The following HTR7 variants were observed in gnomAD, a reference collection of about 807,000 sequenced individuals.
HTR7 encodes the protein 5-HT-7.
A neutral mutation model predicts 34.0 loss-of-function variants in HTR7; 16 were observed. That is an observed-to-expected ratio of 0.47 (90% CI 0.32 to 0.71). The LOEUF (loss-of-function observed/expected upper bound fraction) is 0.71, where lower values mean the gene tolerates loss of function less well. Among genes scored for constraint, HTR7 ranks in the 30% least tolerant of loss-of-function variants. The pLI is 0.04. For synonymous variants in HTR7, 265 were observed against 260.2 expected (o/e 1.02, Z -0.18); for missense variants, 504 against 625.5 (o/e 0.81, Z 2.07).
At chr10:90,855,926 A>G (rs1846572387) in intron 1 of HTR7, among the ~76,000 whole-genome samples, 1 of 152,222 alleles carries the variant, frequency 6.6e-6, no homozygotes, top group African/African-American at 2.4e-5. Context: ...TTTAGTAATT[A>G]TAAACCCTGG....
At chr10:90,752,676 A>G (rs1313389916) in intron 1 of HTR7, among the ~76,000 whole-genome samples, 1 of 152,192 alleles carries the variant, frequency 6.6e-6, no homozygotes, top group African/African-American at 2.4e-5. Flanking sequence ...AAAGATATCA[A>G]TAAAACAAGA....
chr10:90,807,121 G>A (rs576188575), intron 1 of HTR7, among the ~76,000 whole-genome samples: 4 of 152,240 alleles, frequency 2.6e-5, no homozygotes, highest in East Asian at 1.9e-4. Flanking sequence ...TTTTAAATAC[G>A]ACAGAGTGGA....
At chr10:90,842,241 A>G (rs1288070469) in intron 1 of HTR7, among the ~76,000 whole-genome samples, 1 of 152,160 alleles carries the variant, frequency 6.6e-6, no homozygotes, top group African/African-American at 2.4e-5. Flanking sequence ...TCTTTTTGCC[A>G]CATGACGATG....
chr10:90,846,509 C>T (rs1352875639), intron 1 of HTR7, among the ~76,000 whole-genome samples: 3 of 152,184 alleles, frequency 2.0e-5, no homozygotes, highest in Non-Finnish European at 4.4e-5. Context: ...CAGTCCTCCA[C>T]GATCCAGGCT....
intron 1 of HTR7, among the ~76,000 whole-genome samples, chr10:90,779,792 G>A (rs751536435): frequency 1.5e-4 from 23 of 152,156 alleles, no homozygotes; most frequent in Non-Finnish European, 2.6e-4. Context: ...AATTTGTCAC[G>A]TGTCCAGATG....
intron 1 of HTR7, among the ~76,000 whole-genome samples, chr10:90,755,506 C>A (rs796110057): frequency 1.3e-5 from 2 of 152,190 alleles, no homozygotes; most frequent in Non-Finnish European, 2.9e-5. Context: ...TATTCTATTT[C>A]AGACTTTTTA....
At chr10:90,794,749 T>C (rs1845513472) in intron 1 of HTR7, among the ~76,000 whole-genome samples, 1 of 152,132 alleles carries the variant, frequency 6.6e-6, no homozygotes, top group African/African-American at 2.4e-5. Flanking sequence ...GCAATCCTCC[T>C]ACCTCAGCCT....
At chr10:90,831,462 TGTGA>T (rs1346598411) in intron 1 of HTR7, among the ~76,000 whole-genome samples, 1 of 152,126 alleles carries the variant, frequency 6.6e-6, no homozygotes, top group Non-Finnish European at 1.5e-5. Context: ...AAATCTTCGC[TGTGA>T]GTGTTACAGC....
At chr10:90,855,031 T>C (rs1239225544) in intron 1 of HTR7, among the ~76,000 whole-genome samples, 1 of 152,250 alleles carries the variant, frequency 6.6e-6, no homozygotes, top group Non-Finnish European at 1.5e-5. Flanking sequence ...TAGTTCTCAG[T>C]GTTCTTGGAA....
chr10:90,782,914 G>C (rs554740756), intron 1 of HTR7, among the ~76,000 whole-genome samples: 4 of 152,112 alleles, frequency 2.6e-5, no homozygotes, highest in African/African-American at 9.6e-5. Context: ...TTTATGTTTG[G>C]TATTTGATAA....
intron 1 of HTR7, among the ~76,000 whole-genome samples, chr10:90,837,535 C>A (rs1422061772): frequency 6.6e-6 from 1 of 152,206 alleles, no homozygotes; most frequent in African/African-American, 2.4e-5. Context: ...TCTCAACATG[C>A]TATGATGCAG....
chr10:90,843,309 A>T (rs1196119816), intron 1 of HTR7, among the ~76,000 whole-genome samples: 1 of 152,210 alleles, frequency 6.6e-6, no homozygotes, highest in Non-Finnish European at 1.5e-5. Context: ...GGGTCATGCT[A>T]TGCAGAGTGT....
chr10:90,791,551 T>C (rs1845459868), intron 1 of HTR7, among the ~76,000 whole-genome samples: 2 of 152,094 alleles, frequency 1.3e-5, no homozygotes. Flanking sequence ...CATTTTAGTT[T>C]GTGTGCATTG....
intron 1 of HTR7, among the ~76,000 whole-genome samples, chr10:90,848,376 T>C (rs940969459): frequency 3.9e-5 from 6 of 152,192 alleles, no homozygotes; most frequent in African/African-American, 1.4e-4. Flanking sequence ...GGCCTCTTTG[T>C]TCTTATGATA....
At position 90,778,654 on chromosome 10, in the gene HTR7, C is replaced by T. The variant is rs144489599; in HGVS notation, c.540-29060G>A. Among the ~76,000 whole-genome samples the T allele has an allele frequency of 1.6e-4, 25 of 152,318 alleles. No homozygotes were observed. The East Asian group carries it at 3.5e-3, about 21-fold the overall frequency. ...AGTCCCACTGCTATGACTGCTCAAA[C>T]GTGGCTCCTTTAAATGAAGTGGGGT... On this transcript the variant is annotated intron_variant, in intron 1 of 3. Coordinates refer to ENST00000336152, the MANE Select transcript of HTR7 (RefSeq NM_019859.4).
In HTR7 at chr10:90,823,655, G is replaced by A. The variant is rs532657334; in HGVS notation, c.539+33478C>T. Among the ~76,000 whole-genome samples the A allele has an allele frequency of 3.3e-5, 5 of 152,318 alleles. No homozygotes were observed. In the East Asian group the frequency reaches 9.7e-4, roughly 29 times the overall value. ...AAATGTGAGAAGGACATGAGATTTG[G>A]AAGGGGCCAGGAGCAGAATGATAGA... On this transcript the variant is annotated intron_variant, in intron 1 of 3. Transcript: ENST00000336152.
intron 2 of HTR7, among the ~76,000 whole-genome samples, chr10:90,746,173 A>G (rs991198891): frequency 6.6e-6 from 1 of 152,206 alleles, no homozygotes; most frequent in African/African-American, 2.4e-5. Flanking sequence ...AAACTAACCT[A>G]TCATAAACTT....
chr10:90,854,669 A>T (rs1846552743), intron 1 of HTR7, among the ~76,000 whole-genome samples: 1 of 152,236 alleles, frequency 6.6e-6, no homozygotes, highest in African/African-American at 2.4e-5. Context: ...GAAGCCTGTG[A>T]AAAACAGTAT....
chr10:90,776,219 T>C (rs1845207607), intron 1 of HTR7, among the ~76,000 whole-genome samples: 1 of 152,230 alleles, frequency 6.6e-6, no homozygotes, highest in Admixed American at 6.5e-5. Context: ...CTCAGTACTA[T>C]TTCATGTCTG....
Sources: allele counts gnomAD v4.1 joint callset (sites outside exome capture counted in the v4.1 genomes callset), GRCh38; gene constraint gnomAD v4.1.1; transcripts MANE v1.5; gene names NCBI Gene and HGNC (gene_info 2026-07-23, HGNC 2026-07-21).